The following UNC5D variants were observed in gnomAD, a reference collection of about 807,000 sequenced individuals.
The protein encoded by UNC5D is netrin receptor UNC5D.
UNC5D carries 39 observed loss-of-function variants against 105.4 expected under a neutral mutation model. That is an observed-to-expected ratio of 0.37 (90% CI 0.29 to 0.48). The LOEUF (loss-of-function observed/expected upper bound fraction) is 0.48, where lower values mean the gene tolerates loss of function less well. UNC5D is among the 20% of genes least tolerant of loss of function. The pLI, the probability that UNC5D is intolerant of heterozygous loss-of-function variation, is 0.98. For synonymous variants in UNC5D, 452 were observed against 450.4 expected (o/e 1.00, Z -0.04); for missense variants, 991 against 1,202.4 (o/e 0.82, Z 2.60).
intron 1 of UNC5D, among the ~76,000 whole-genome samples, chr8:35,549,082 A>G (rs1815912730): frequency 6.6e-6 from 1 of 152,198 alleles, no homozygotes; most frequent in South Asian, 2.1e-4. Flanking sequence ...ATCCAATAAC[A>G]CTGAAGCCAT....
At chr8:35,758,899 G>C (rs891482961) in intron 13 of UNC5D, among the ~76,000 whole-genome samples, 1 of 152,152 alleles carries the variant, frequency 6.6e-6, no homozygotes, top group Non-Finnish European at 1.5e-5. Flanking sequence ...AATTGAACCA[G>C]AATGGAGGGG....
chr8:35,597,293 T>G (rs1050808717), intron 4 of UNC5D, among the ~76,000 whole-genome samples: 33 of 152,182 alleles, frequency 2.2e-4, no homozygotes, highest in African/African-American at 7.0e-4. Flanking sequence ...ATTTAAAAAT[T>G]TTTTATTGAA....
intron 1 of UNC5D, among the ~76,000 whole-genome samples, chr8:35,335,107 G>A (rs1313369462): frequency 1.3e-5 from 2 of 152,156 alleles, no homozygotes; most frequent in Admixed American, 6.5e-5. Flanking sequence ...TGCTGTGTGT[G>A]TATCAGTAGT....
At chr8:35,386,132 T>C (rs911184639) in intron 1 of UNC5D, among the ~76,000 whole-genome samples, 2 of 152,206 alleles carry the variant, frequency 1.3e-5, no homozygotes, top group Admixed American at 1.3e-4. Context: ...TATTTTTACA[T>C]CTTTCTCCCA....
intron 1 of UNC5D, among the ~76,000 whole-genome samples, chr8:35,331,378 G>T (rs1317365837): frequency 2.6e-5 from 4 of 152,084 alleles, no homozygotes; most frequent in Non-Finnish European, 5.9e-5. Flanking sequence ...TGTGATACAG[G>T]TTTCTTTGCT....
chr8:35,617,523 C>T (rs1012699290), intron 4 of UNC5D, among the ~76,000 whole-genome samples: 3 of 152,182 alleles, frequency 2.0e-5, no homozygotes, highest in Non-Finnish European at 4.4e-5. Flanking sequence ...CAAGCCTCTC[C>T]ACCCTGTAAA....
intron 1 of UNC5D, among the ~76,000 whole-genome samples, chr8:35,439,687 C>T (rs1016759338): frequency 1.3e-5 from 2 of 152,012 alleles, no homozygotes; most frequent in African/African-American, 4.8e-5. Context: ...AGGGTGTCAT[C>T]TTCTAAATAT....
chr8:35,574,562 TA>T (rs371494442), intron 3 of UNC5D, among the ~76,000 whole-genome samples: 16 of 152,278 alleles, frequency 1.1e-4, no homozygotes, highest in African/African-American at 3.8e-4. Context: ...TTTTGAAGGG[TA>T]AAAATTTTTT....
intron 1 of UNC5D, among the ~76,000 whole-genome samples, chr8:35,457,225 T>G (rs1254373035): frequency 2.0e-5 from 3 of 152,214 alleles, no homozygotes; most frequent in Non-Finnish European, 4.4e-5. Context: ...AAAATAAAAT[T>G]TAATTGACAT....
At chr8:35,295,503 CA>C (rs1182283689) in intron 1 of UNC5D, among the ~76,000 whole-genome samples, 1 of 152,080 alleles carries the variant, frequency 6.6e-6, no homozygotes, top group African/African-American at 2.4e-5. Flanking sequence ...TGTTTTATTT[CA>C]TTTTTGCTTT....
At chr8:35,574,442 C>A (rs1214935708) in intron 3 of UNC5D, among the ~76,000 whole-genome samples, 1 of 151,890 alleles carries the variant, frequency 6.6e-6, no homozygotes, top group African/African-American at 2.4e-5. Flanking sequence ...TTTAAGACAC[C>A]CCTAAAATAG....
intron 9 of UNC5D, among the ~76,000 whole-genome samples, chr8:35,723,686 T>A (rs1003811560): frequency 6.6e-6 from 1 of 152,200 alleles, no homozygotes; most frequent in Non-Finnish European, 1.5e-5. Flanking sequence ...ATTATAGGAA[T>A]GAGCTACTGG....
chr8:35,774,740 T>C (rs575889708), intron 16 of UNC5D, among the ~76,000 whole-genome samples: 1 of 152,190 alleles, frequency 6.6e-6, no homozygotes, highest in Non-Finnish European at 1.5e-5. Context: ...GAGACCAGCC[T>C]GGGCAACATG....
At chr8:35,338,248 AG>A (rs1271468543) in intron 1 of UNC5D, among the ~76,000 whole-genome samples, 1 of 152,152 alleles carries the variant, frequency 6.6e-6, no homozygotes, top group Non-Finnish European at 1.5e-5. Context: ...GTCTCTCTAC[AG>A]GGAAGTTTGT....
At chr8:35,290,421 T>C (rs1361022258) in intron 1 of UNC5D, among the ~76,000 whole-genome samples, 2 of 151,900 alleles carry the variant, frequency 1.3e-5, no homozygotes, top group Non-Finnish European at 2.9e-5. Flanking sequence ...TGTATGATTG[T>C]ACTTTGAACT....
At position 35,392,559 on chromosome 8, in the gene UNC5D, A is replaced by G. The variant is rs1803841530; in HGVS notation, c.103+156672A>G. ...AAAGCCAATAAAATTGTGTCTCTCTATTCATTCTTCGCAAAGTTACACCTC... is the reference window on the plus strand; with the variant it reads ...AAAGCCAATAAAATTGTGTCTCTCTGTTCATTCTTCGCAAAGTTACACCTC... On this transcript the variant is annotated intron_variant, in intron 1 of 16. Coordinates refer to ENST00000404895, the MANE Select transcript of UNC5D (RefSeq NM_080872.4). Among the ~76,000 whole-genome samples, 3 of 152,260 alleles carry G rather than the reference A, an allele frequency of 2.0e-5. No homozygotes were observed. In the South Asian group the frequency reaches 6.2e-4, roughly 32 times the overall value.
At chr8:35,253,430 T>A (rs1194180586) in intron 1 of UNC5D, among the ~76,000 whole-genome samples, 1 of 150,710 alleles carries the variant, frequency 6.6e-6, no homozygotes, top group Admixed American at 6.6e-5. Flanking sequence ...TGGAGTAGAT[T>A]TTTTTTTTCC....
At position 35,527,325 on chromosome 8, in the gene UNC5D, G is replaced by A. The variant is rs371436339; in HGVS notation, c.104-21967G>A. ...CCTTCCTGAAAGATGGGCATCTGTC[G>A]CAGTCAGTTCAGACCACTATAACAA... is the stretch of plus-strand genomic sequence containing the variant. On this transcript the variant is annotated intron_variant, in intron 1 of 16. Coordinates refer to ENST00000404895, the MANE Select transcript of UNC5D (RefSeq NM_080872.4). Among the ~76,000 whole-genome samples, 19 of 152,208 alleles carry A rather than the reference G, an allele frequency of 1.2e-4. 1 individual carries two copies. Among genetic ancestry groups the A allele is most frequent in the African/African-American group, 4.3e-4 (18 of 41,536 alleles).
chr8:35,770,982 G>C (rs1331014454), intron 15 of UNC5D, among the ~76,000 whole-genome samples: 1 of 152,154 alleles, frequency 6.6e-6, no homozygotes, highest in Admixed American at 6.6e-5. Context: ...AAAATGTGAT[G>C]TATCTACAGG....
Sources: gnomAD v4.1 joint callset for allele counts (sites outside exome capture counted in the v4.1 genomes callset) on GRCh38, gnomAD v4.1.1 for gene constraint, MANE v1.5 for transcripts, NCBI Gene and HGNC (gene_info 2026-07-23, HGNC 2026-07-21) for gene names.